Variants in MCF2L2 observed in about 807,000 individuals in gnomAD.
The protein encoded by MCF2L2 is probable guanine nucleotide exchange factor MCF2L2.
A neutral mutation model predicts 150.2 loss-of-function variants in MCF2L2; 102 were observed. That is an observed-to-expected ratio of 0.68 (90% confidence interval 0.58 to 0.80). MCF2L2 has a LOEUF of 0.80. Ranked by LOEUF, MCF2L2 falls within the 30% of genes least tolerant of loss-of-function variation. The probability of loss-of-function intolerance (pLI) is 0.00; values close to 1 mark genes in which losing one functional copy is unlikely to be tolerated. For missense variants in MCF2L2, 1,256 were observed against 1,372.8 expected (o/e 0.91, Z 1.34); for synonymous variants, 465 against 491.3 (o/e 0.95, Z 0.71).
At chr3:183,394,896 G>A (rs951114107) in intron 1 of MCF2L2, among the ~76,000 whole-genome samples, 1 of 152,108 alleles carries the variant, frequency 6.6e-6, no homozygotes, top group African/African-American at 2.4e-5. Flanking sequence ...GCATCCTCTT[G>A]GAAAGTCGTT....
At position 183,336,865 on chromosome 3, in the gene MCF2L2, ATAT is replaced by A. The variant is rs760961256; in HGVS notation, c.486+1932_486+1934del. Among the ~76,000 whole-genome samples the A allele has an allele frequency of 9.0e-3, 1,062 of 118,214 alleles. 16 individuals carry two copies. Among genetic ancestry groups the A allele is most frequent in the African/African-American group, 0.057 (956 of 16,746 alleles). The allele number at this position is 118,214 out of a possible 152,430, so 77.6% of individuals were successfully genotyped here. On this transcript the variant is annotated intron_variant, in intron 5 of 29. Transcript: ENST00000328913. ...AGTGAAACTCCATCTCAAAAAAAAA[ATAT>A]ATATATATATATATATGGAATATTT...
At chr3:183,404,634 G>A (rs1163000085) in intron 1 of MCF2L2, among the ~76,000 whole-genome samples, 1 of 152,204 alleles carries the variant, frequency 6.6e-6, no homozygotes, top group Non-Finnish European at 1.5e-5. Context: ...AGGCCGAGAT[G>A]GGTGGATCAC....
In MCF2L2 at chr3:183,180,070, C is replaced by G. The variant is rs1172766955; in HGVS notation, c.3105+1G>C. 2 of 1,610,792 alleles carry G rather than the reference C, an allele frequency of 1.2e-6. No individual in the cohort carries two copies. The highest frequency in any genetic ancestry group is 2.2e-5 in the East Asian group (1 of 44,864). Reference sequence around the variant, plus strand: ...GAAAGAAACAAAAGGGAAGTAATTACACTCAGAGCACTGCTCTCCTTTTCC... The same window carrying G: ...GAAAGAAACAAAAGGGAAGTAATTAGACTCAGAGCACTGCTCTCCTTTTCC... On this transcript the variant is annotated splice_donor_variant, in intron 28 of 29. Coordinates refer to ENST00000328913, the MANE Select transcript of MCF2L2 (RefSeq NM_015078.4). LOFTEE classifies it high-confidence loss of function.
At chr3:183,291,201 C>A (rs916366919) in intron 13 of MCF2L2, among the ~76,000 whole-genome samples, 1 of 152,174 alleles carries the variant, frequency 6.6e-6, no homozygotes, top group Non-Finnish European at 1.5e-5. Flanking sequence ...ATTTGTGACA[C>A]CATGACTGAG....
chr3:183,228,285 G>T lies in MCF2L2; in HGVS notation c.2115+12C>A. The stretch of plus-strand genomic sequence containing the variant: ...ACTTTAACATGATTATTTACTGGGA[G>T]TACAGACTTACTCTCTTGAGAAAGC... On this transcript the variant is annotated intron_variant, in intron 18 of 29. Coordinates refer to ENST00000328913, the MANE Select transcript of MCF2L2 (RefSeq NM_015078.4). The T allele has an allele frequency of 6.2e-7, 1 of 1,605,498 alleles. No individual in the cohort carries two copies. The highest frequency in any genetic ancestry group is 8.5e-7 in the Non-Finnish European group (1 of 1,172,516).
rs1726602260 is a variant in MCF2L2 at position 183,270,071 on chromosome 3, A to G, written c.1862+6801T>C. 1.2e-6 allele frequency: 2 copies of G among 1,614,040 alleles called. No individual in the cohort carries two copies. The highest frequency in any genetic ancestry group is 1.7e-6 in the Non-Finnish European group (2 of 1,180,032). The stretch of plus-strand genomic sequence containing the variant: ...GTCAAGCTCAAGACGTCCTCCTTTT[A>G]CTGTTTGTAAAAACTGCTCCTGAAA... On this transcript the variant is annotated intron_variant, in intron 15 of 29. Transcript: ENST00000328913. This position sits in a 1 kb window ranked among gnomAD's most constrained non-coding sequence, Gnocchi z 4.5.
At chr3:183,376,224 C>G (rs1713180335) in intron 3 of MCF2L2, 1 of 152,240 alleles carries the variant, frequency 6.6e-6, no homozygotes, top group South Asian at 2.1e-4. Context: ...ATAACCCTGC[C>G]TGCTTCTTGC....
chr3:183,197,873 C>T lies in MCF2L2; in HGVS notation c.2885-2618G>A, dbSNP rs1323593165. On this transcript the variant is annotated intron_variant, in intron 25 of 29. Transcript: ENST00000328913. The surrounding 1 kb of genome is among the most constrained non-coding windows in gnomAD (Gnocchi z 4.5). The stretch of plus-strand genomic sequence containing the variant: ...TTACTAGGGAAAAGCAAATTAAAAC[C>T]TAATGACATACCACTATGCCCCTAT... 6.6e-6 allele frequency among the ~76,000 whole-genome samples: 1 copy of T among 152,098 alleles called. No homozygotes were observed. The highest frequency in any genetic ancestry group is 1.5e-5 in the Non-Finnish European group (1 of 68,000).
At chr3:183,180,257 G>A (rs1278969342) in intron 27 of MCF2L2, 98 bp from the exon 28 acceptor site, 51 of 765,736 alleles carry the variant, frequency 6.7e-5, no homozygotes, top group Non-Finnish European at 1.1e-4. Flanking sequence ...TTGCAGGCAC[G>A]GTCCTCCCCA....
intron 14 of MCF2L2, among the ~76,000 whole-genome samples, chr3:183,284,209 T>A (rs1727663920): frequency 6.6e-6 from 1 of 152,198 alleles, no homozygotes; most frequent in South Asian, 2.1e-4. Flanking sequence ...TCAACAAAAA[T>A]ACATTCTCAT....
rs1716277929 is a variant in MCF2L2, at chr3:183,428,292, G to A, written c.-315C>T. 1 of 326,752 alleles carries A rather than the reference G, an allele frequency of 3.1e-6. No individual in the cohort carries two copies. The allele number at this position is 326,752 out of a possible 1,614,324, so 20.2% of individuals were successfully genotyped here. A position where few individuals can be genotyped will look rare whatever the true frequency, so the allele number is the denominator to read the frequency against. ...CGCGCCCCGGCTCCTCCGGCCGGGC[G>A]AGCTCCGGGGCTTCCAGAATCGCGG... is the stretch of plus-strand genomic sequence containing the variant. On this transcript the variant is annotated 5_prime_UTR_variant, in exon 1 of 30. Coordinates refer to ENST00000328913, the MANE Select transcript of MCF2L2 (RefSeq NM_015078.4). The surrounding 1 kb of genome is among the most constrained non-coding windows in gnomAD (Gnocchi z 5.1).
At chr3:183,363,089 CAAT>C (rs36025115) in intron 3 of MCF2L2, among the ~76,000 whole-genome samples, 36,131 of 149,260 alleles carry the variant, frequency 0.24, 5,316 homozygotes, top group African/African-American at 0.44. Context: ...ATTAAAACAA[CAAT>C]GAGATACTAC....
At chr3:183,423,984 T>A (rs1398984616) in intron 1 of MCF2L2, among the ~76,000 whole-genome samples, 7 of 152,208 alleles carry the variant, frequency 4.6e-5, no homozygotes, top group Non-Finnish European at 1.0e-4. Context: ...GAGCCATATG[T>A]GCCCTGTCTA....
At chr3:183,345,005 T>A (rs1236517359) in intron 3 of MCF2L2, among the ~76,000 whole-genome samples, 1 of 151,804 alleles carries the variant, frequency 6.6e-6, no homozygotes, top group Non-Finnish European at 1.5e-5. Context: ...CAGTCAATAT[T>A]AGATGGATTC....
At chr3:183,253,561 C>A (rs572014065) in intron 15 of MCF2L2, 1 of 152,422 alleles carries the variant, frequency 6.6e-6, no homozygotes, top group East Asian at 1.9e-4. Flanking sequence ...CCCTAGTTTG[C>A]TGTAAGTTTC....
chr3:183,196,822 G>A lies in MCF2L2; in HGVS notation c.2885-1567C>T, dbSNP rs542206345. Among the ~76,000 whole-genome samples the A allele has an allele frequency of 6.6e-5, 10 of 152,146 alleles. No homozygotes were observed. In the East Asian group the frequency reaches 1.9e-3, roughly 29 times the overall value. On this transcript the variant is annotated intron_variant, in intron 25 of 29. Transcript: ENST00000328913. ...TTCTTTTTATCTAAACCACGTGCTG[G>A]GTCCTGGTTTTGCTTCTTATCTAGA...
intron 10 of MCF2L2, among the ~76,000 whole-genome samples, chr3:183,309,084 G>A (rs773394840): frequency 4.6e-5 from 7 of 152,122 alleles, no homozygotes; most frequent in East Asian, 1.9e-4. Context: ...ACTTGTGTGC[G>A]GATCTGGGAC....
At chr3:183,253,194 G>GA (rs398092038) in intron 15 of MCF2L2, 2 of 40 alleles carry the variant, frequency 0.05, no homozygotes, top group Admixed American at 0.33. Context: ...GACGCCGAGA[G>GA]TGCGGGGCGC....
chr3:183,371,423 A>G (rs1003151198), intron 3 of MCF2L2, among the ~76,000 whole-genome samples: 2 of 151,022 alleles, frequency 1.3e-5, no homozygotes, highest in Non-Finnish European at 2.9e-5. Context: ...TCATAGGTAG[A>G]TAAGAGACAA....
Sources: allele counts gnomAD v4.1 joint callset (sites outside exome capture counted in the v4.1 genomes callset), GRCh38; gene constraint gnomAD v4.1.1; non-coding constraint Gnocchi (gnomAD v3.1); transcripts MANE v1.5; gene names NCBI Gene and HGNC (gene_info 2026-07-23, HGNC 2026-07-21).